ZHX2: variants seen among roughly 807,000 people sequenced by gnomAD.
ZHX2 encodes the protein zinc fingers and homeoboxes protein 2.
A neutral mutation model predicts 21.9 loss-of-function variants in ZHX2; 6 were observed. The ratio of observed to expected loss-of-function variants is 0.27; its 90% CI spans 0.15 to 0.54. ZHX2 has a LOEUF of 0.54. ZHX2 is among the 20% of genes least tolerant of loss of function. The pLI, the probability that ZHX2 is intolerant of heterozygous loss-of-function variation, is 0.95. For synonymous variants in ZHX2, 434 were observed against 437.1 expected (o/e 0.99, Z 0.09); for missense variants, 908 against 1,090.7 (o/e 0.83, Z 2.36).
chr8:122,911,062 G>GC (rs1820468910), intron 2 of ZHX2, among the ~76,000 whole-genome samples: 1 of 152,192 alleles, frequency 6.6e-6, no homozygotes, highest in Admixed American at 6.5e-5. Context: ...CATAGTGAAA[G>GC]CAAGTATGAC....
At chr8:122,835,991 C>G (rs1464958658) in intron 1 of ZHX2, among the ~76,000 whole-genome samples, 3 of 152,042 alleles carry the variant, frequency 2.0e-5, no homozygotes, top group Non-Finnish European at 2.9e-5. Flanking sequence ...ATGAGGCAGC[C>G]TAGAGGGCTG....
At chr8:122,857,723 C>G (rs1393900620) in intron 1 of ZHX2, among the ~76,000 whole-genome samples, 1 of 152,202 alleles carries the variant, frequency 6.6e-6, no homozygotes, top group Admixed American at 6.5e-5. Context: ...GAGTTCAAAC[C>G]TCCATGTTGA....
At chr8:122,959,764 A>T (rs1367858780) in intron 3 of ZHX2, among the ~76,000 whole-genome samples, 1 of 152,142 alleles carries the variant, frequency 6.6e-6, no homozygotes, top group African/African-American at 2.4e-5. Flanking sequence ...TTTACTGGTG[A>T]TGCTTCTCAG....
intron 2 of ZHX2, among the ~76,000 whole-genome samples, chr8:122,938,689 G>C (rs2130191886): frequency 6.6e-6 from 1 of 152,048 alleles, no homozygotes; most frequent in East Asian, 1.9e-4. Flanking sequence ...TACAAAAAAA[G>C]TAGCTAGGCA....
intron 2 of ZHX2, among the ~76,000 whole-genome samples, chr8:122,934,764 C>T (rs1391428409): frequency 6.6e-6 from 1 of 152,164 alleles, no homozygotes; most frequent in Non-Finnish European, 1.5e-5. Context: ...TCTTAGCTCA[C>T]TGCAACCTCT....
At chr8:122,882,762 A>C (rs1048404567) in intron 2 of ZHX2, among the ~76,000 whole-genome samples, 15 of 152,276 alleles carry the variant, frequency 9.9e-5, no homozygotes, top group Non-Finnish European at 4.4e-5. Context: ...TGGGAGGATC[A>C]CTTGAGGCCA....
At chr8:122,858,198 T>G (rs75968366) in intron 1 of ZHX2, among the ~76,000 whole-genome samples, 2,835 of 152,336 alleles carry the variant, frequency 0.019, 104 homozygotes, top group African/African-American at 0.064. Flanking sequence ...CTCTCTCGTG[T>G]GCTCCCTGGC....
chr8:122,906,423 C>T (rs1242593985), intron 2 of ZHX2, among the ~76,000 whole-genome samples: 1 of 152,162 alleles, frequency 6.6e-6, no homozygotes, highest in Non-Finnish European at 1.5e-5. Flanking sequence ...AGAGGATAAG[C>T]AACTCTGTAT....
intron 1 of ZHX2, among the ~76,000 whole-genome samples, chr8:122,835,135 A>G (rs1818465687): frequency 6.6e-6 from 1 of 152,230 alleles, no homozygotes; most frequent in Admixed American, 6.5e-5. Context: ...TTCTAATATA[A>G]GAGGTAGCAT....
intron 2 of ZHX2, among the ~76,000 whole-genome samples, chr8:122,868,892 T>C (rs927159033): frequency 6.6e-6 from 1 of 152,080 alleles, no homozygotes; most frequent in Non-Finnish European, 1.5e-5. Context: ...ATGAAATCTA[T>C]GCGAAGCAGG....
intron 1 of ZHX2, among the ~76,000 whole-genome samples, chr8:122,849,811 C>A (rs1418036650): frequency 6.6e-6 from 1 of 152,214 alleles, no homozygotes; most frequent in Non-Finnish European, 1.5e-5. Context: ...CAACCCATTA[C>A]ACTCATCTAT....
intron 1 of ZHX2, among the ~76,000 whole-genome samples, chr8:122,785,482 G>A (rs1046880701): frequency 6.6e-6 from 1 of 152,192 alleles, no homozygotes; most frequent in Admixed American, 6.5e-5. Flanking sequence ...AGAGAAAAAA[G>A]GATGAATGAG....
intron 1 of ZHX2, among the ~76,000 whole-genome samples, chr8:122,842,794 C>T (rs536509949): frequency 6.6e-6 from 1 of 152,336 alleles, no homozygotes; most frequent in African/African-American, 2.4e-5. Flanking sequence ...ACTTTTCTCC[C>T]CTGAACACTC....
chr8:122,846,684 T>C (rs1245694424), intron 1 of ZHX2, among the ~76,000 whole-genome samples: 1 of 151,912 alleles, frequency 6.6e-6, no homozygotes, highest in African/African-American at 2.4e-5. Flanking sequence ...TCTGAAAGGA[T>C]GAAGCCTAAG....
intron 1 of ZHX2, among the ~76,000 whole-genome samples, chr8:122,788,000 T>C (rs974641334): frequency 6.6e-6 from 1 of 152,078 alleles, no homozygotes; most frequent in Non-Finnish European, 1.5e-5. Context: ...CCCACAGCCA[T>C]CTCATCCCCC....
At chr8:122,954,119 A>G in intron 3 of ZHX2, 91 bp downstream of exon 3, 1 of 1,171,282 alleles carries the variant, frequency 8.5e-7, no homozygotes, top group Non-Finnish European at 1.2e-6. Flanking sequence ...GGGTACAGAG[A>G]TGTTGACACA....
At chr8:122,909,828 G>T (rs1412812028) in intron 2 of ZHX2, among the ~76,000 whole-genome samples, 2 of 152,162 alleles carry the variant, frequency 1.3e-5, no homozygotes, top group Non-Finnish European at 2.9e-5. Context: ...CTTGCAGCCT[G>T]CAGCCAGGGC....
intron 1 of ZHX2, among the ~76,000 whole-genome samples, chr8:122,791,000 T>C (rs1245764291): frequency 1.3e-5 from 2 of 152,244 alleles, no homozygotes; most frequent in Non-Finnish European, 2.9e-5. Context: ...CAGGCAGGCT[T>C]GTGCCACACT....
intron 1 of ZHX2, among the ~76,000 whole-genome samples, chr8:122,821,329 G>C (rs1323524604): frequency 6.6e-6 from 1 of 152,158 alleles, no homozygotes; most frequent in African/African-American, 2.4e-5. Flanking sequence ...CTTGTTGGGG[G>C]CTGGGCCAGC....
Sources: allele counts gnomAD v4.1 joint callset (sites outside exome capture counted in the v4.1 genomes callset), GRCh38; gene constraint gnomAD v4.1.1; transcripts MANE v1.5; gene names NCBI Gene and HGNC (gene_info 2026-07-23, HGNC 2026-07-21).